Variants in DMD observed in about 807,000 individuals in gnomAD.
DMD encodes dystrophin.
DMD carries 63 observed loss-of-function variants against 330.1 expected under a neutral mutation model. The observed-to-expected ratio is 0.19, with a 90% confidence interval of 0.16 to 0.24. The LOEUF is 0.24. Ranked by LOEUF, DMD falls within the 10% of genes least tolerant of loss-of-function variation. The pLI, the probability that DMD is intolerant of heterozygous loss-of-function variation, is 1.00. For synonymous variants in DMD, 1,223 were observed against 959.8 expected (o/e 1.27, Z -5.07); for missense variants, 3,344 against 2,684.1 (o/e 1.25, Z -5.43).
chrX:31,706,726 C>T (rs894283084), intron 52 of DMD, among the ~76,000 whole-genome samples: 2 of 112,085 alleles, frequency 1.8e-5, no homozygotes, highest in Non-Finnish European at 3.8e-5. Flanking sequence ...TAAGAATGCT[C>T]CTATGGTTTT....
At chrX:32,064,961 G>A (rs1257346142) in intron 44 of DMD, among the ~76,000 whole-genome samples, 1 of 111,195 alleles carries the variant, frequency 9.0e-6, no homozygotes, top group Non-Finnish European at 1.9e-5. Context: ...AAAATGCATG[G>A]AGTGAACTGA....
At chrX:32,762,167 A>C (rs5972665) in intron 7 of DMD, among the ~76,000 whole-genome samples, 1 of 105,347 alleles carries the variant, frequency 9.5e-6, no homozygotes, top group Admixed American at 1.1e-4. Context: ...AGAAAAAAAA[A>C]GAAAAAAAAA....
At chrX:32,042,142 CAT>C (rs1337721860) in intron 44 of DMD, among the ~76,000 whole-genome samples, 16 of 81,664 alleles carry the variant, frequency 2.0e-4, no homozygotes, top group East Asian at 1.4e-3. Flanking sequence ...TATATACATA[CAT>C]ATATACATAC....
At chrX:31,257,384 G>A (rs1387548324) in intron 63 of DMD, among the ~76,000 whole-genome samples, 1 of 108,881 alleles carries the variant, frequency 9.2e-6, no homozygotes, top group African/African-American at 3.4e-5. Flanking sequence ...CATTTGACAC[G>A]CCAGACCACA....
intron 2 of DMD, among the ~76,000 whole-genome samples, chrX:32,868,539 C>T (rs1026813473): frequency 4.5e-5 from 5 of 112,285 alleles, no homozygotes; most frequent in African/African-American, 1.6e-4. Context: ...CACTGCAGCT[C>T]CAGTCCACCA....
chrX:33,323,751 G>C (rs1236676518), intron 1 of DMD, among the ~76,000 whole-genome samples: 1 of 111,474 alleles, frequency 9.0e-6, no homozygotes, highest in Non-Finnish European at 1.9e-5. Flanking sequence ...TTTATCCCAC[G>C]AGTTCCAAGT....
chrX:32,908,699 T>A (rs988975149), intron 2 of DMD, among the ~76,000 whole-genome samples: 3 of 111,852 alleles, frequency 2.7e-5, no homozygotes, highest in Admixed American at 9.6e-5. Context: ...TACAAAATAA[T>A]GATGCCTTAC....
intron 43 of DMD, among the ~76,000 whole-genome samples, chrX:32,257,403 C>T (rs1053446264): frequency 9.0e-6 from 1 of 111,351 alleles, no homozygotes; most frequent in African/African-American, 3.3e-5. Flanking sequence ...ATCATGCTAC[C>T]TGACTTCAAA....
In DMD at chrX:32,680,777, C is replaced by G. The variant is rs1293827697; in HGVS notation, c.960+17093G>C. Reference sequence around the variant, plus strand: ...CCATCAACTCTCCTTCCACCCACCCCAACCTTTCTCCCCAGCACACACACA... The same window carrying G: ...CCATCAACTCTCCTTCCACCCACCCGAACCTTTCTCCCCAGCACACACACA... On this transcript the variant is annotated intron_variant, in intron 9 of 78. Coordinates refer to ENST00000357033, the MANE Select transcript of DMD (RefSeq NM_004006.3). Among the ~76,000 whole-genome samples the G allele has an allele frequency of 1.6e-4, 18 of 109,972 alleles. No homozygotes were observed. In the Admixed American group the frequency reaches 1.8e-3, roughly 11 times the overall value.
chrX:33,091,271 A>G (rs751367112), intron 1 of DMD, among the ~76,000 whole-genome samples: 1 of 111,874 alleles, frequency 8.9e-6, no homozygotes, highest in African/African-American at 3.2e-5. Context: ...TTACTTTTCT[A>G]TTTATATTTA....
At chrX:31,785,322 G>GT (rs1297390177) in intron 50 of DMD, among the ~76,000 whole-genome samples, 22 of 111,833 alleles carry the variant, frequency 2.0e-4, no homozygotes, top group African/African-American at 7.1e-4. Flanking sequence ...TGGGTTTGGA[G>GT]TTTCGGATTT....
At chrX:31,339,965 T>C (rs2148425913) in intron 61 of DMD, among the ~76,000 whole-genome samples, 1 of 112,826 alleles carries the variant, frequency 8.9e-6, no homozygotes, top group Non-Finnish European at 1.9e-5. Context: ...ACTGGTAGCA[T>C]AGGTTGGAGC....
At chrX:32,237,510 C>T (rs2097192364) in intron 43 of DMD, among the ~76,000 whole-genome samples, 2 of 111,166 alleles carry the variant, frequency 1.8e-5, no homozygotes, top group South Asian at 3.8e-4. Flanking sequence ...GTTGGGTTCT[C>T]TGTTTTCCGG....
intron 43 of DMD, among the ~76,000 whole-genome samples, chrX:32,235,213 T>C (rs1217463969): frequency 4.5e-5 from 5 of 109,971 alleles, no homozygotes; most frequent in Non-Finnish European, 9.5e-5. Context: ...ATCTGGGGGG[T>C]GATGGGAGAC....
chrX:33,223,101 G>C (rs1321718135), intron 1 of DMD, among the ~76,000 whole-genome samples: 1 of 111,850 alleles, frequency 8.9e-6, no homozygotes, highest in Non-Finnish European at 1.9e-5. Flanking sequence ...CTTGAGGTCA[G>C]GAGTATGAGA....
chrX:32,812,563 G>T (rs1476120503), intron 6 of DMD, among the ~76,000 whole-genome samples: 2 of 112,333 alleles, frequency 1.8e-5, no homozygotes, highest in Non-Finnish European at 3.8e-5. Context: ...AACCTGGGAA[G>T]TGGAGGTTGC....
chrX:32,342,637 A>G (rs1281169744), intron 40 of DMD: 4 of 274,255 alleles, frequency 1.5e-5, no homozygotes, highest in Non-Finnish European at 2.6e-5. Flanking sequence ...AGGGTAAGTG[A>G]ATAAGTTATT....
chrX:33,073,152 G>T (rs1050356869), intron 1 of DMD, among the ~76,000 whole-genome samples: 1 of 111,693 alleles, frequency 9.0e-6, no homozygotes, highest in Non-Finnish European at 1.9e-5. Context: ...TATACCAATT[G>T]TTCAGTTTTG....
intron 2 of DMD, among the ~76,000 whole-genome samples, chrX:32,908,806 A>G (rs1314456170): frequency 8.9e-6 from 1 of 111,995 alleles, no homozygotes; most frequent in Non-Finnish European, 1.9e-5. Flanking sequence ...TTCCTGAGGT[A>G]GTTGATATTT....
Sources: allele counts gnomAD v4.1 joint callset (sites outside exome capture counted in the v4.1 genomes callset), GRCh38; gene constraint gnomAD v4.1.1; transcripts MANE v1.5; gene names NCBI Gene and HGNC (gene_info 2026-07-23, HGNC 2026-07-21).